Variants in DOCK3 observed in about 807,000 individuals in gnomAD.
DOCK3 encodes the protein dedicator of cytokinesis 3, also known as dedicator of cytokinesis protein 3.
In DOCK3, 60 loss-of-function variants were observed where a neutral mutation model predicts 265.6. That is an observed-to-expected ratio of 0.23 (90% CI 0.18 to 0.28). The LOEUF is 0.28. DOCK3 is among the 10% of genes least tolerant of loss of function. The pLI is 1.00. For missense variants in DOCK3, 1,981 were observed against 2,594.3 expected (o/e 0.76, Z 5.14); for synonymous variants, 881 against 938.0 (o/e 0.94, Z 1.11).
chr3:50,996,001 A>G (rs1374884124), intron 5 of DOCK3, among the ~76,000 whole-genome samples: 5 of 151,584 alleles, frequency 3.3e-5, no homozygotes, highest in East Asian at 2.0e-4. Context: ...AGTTCAAACA[A>G]TTCTCCTGCC....
At chr3:50,757,856 T>A (rs1436654459) in intron 1 of DOCK3, among the ~76,000 whole-genome samples, 2 of 152,168 alleles carry the variant, frequency 1.3e-5, no homozygotes, top group African/African-American at 4.8e-5. Context: ...TTTCTCCTGT[T>A]GAATTGTCTT....
chr3:50,859,756 G>T (rs1489048135), intron 3 of DOCK3, among the ~76,000 whole-genome samples: 1 of 152,140 alleles, frequency 6.6e-6, no homozygotes, highest in African/African-American at 2.4e-5. Flanking sequence ...GAAGTTTTGG[G>T]ATATAATCCA....
intron 14 of DOCK3, among the ~76,000 whole-genome samples, chr3:51,219,020 TC>T (rs1347846842): frequency 1.3e-5 from 2 of 152,170 alleles, no homozygotes; most frequent in Non-Finnish European, 2.9e-5. Flanking sequence ...TTCCCTTTAC[TC>T]AATTACTGCT....
At chr3:51,349,156 A>C (rs960863243) in intron 39 of DOCK3, among the ~76,000 whole-genome samples, 2 of 152,202 alleles carry the variant, frequency 1.3e-5, no homozygotes, top group East Asian at 1.9e-4. Context: ...ACTGGTGCTC[A>C]GAGAAGGGAG....
intron 5 of DOCK3, among the ~76,000 whole-genome samples, chr3:50,941,166 T>C (rs1187786439): frequency 6.6e-6 from 1 of 152,096 alleles, no homozygotes; most frequent in East Asian, 1.9e-4. Flanking sequence ...ATTTGAAAAT[T>C]ATATATCCAT....
intron 5 of DOCK3, among the ~76,000 whole-genome samples, chr3:51,003,524 A>G (rs1364157052): frequency 6.6e-6 from 1 of 152,276 alleles, no homozygotes; most frequent in Non-Finnish European, 1.5e-5. Context: ...TTATGTATGC[A>G]TGATGGATAT....
At chr3:50,716,931 C>T (rs2037155719) in intron 1 of DOCK3, among the ~76,000 whole-genome samples, 1 of 152,136 alleles carries the variant, frequency 6.6e-6, no homozygotes, top group East Asian at 1.9e-4. Context: ...TTTCTCTGTG[C>T]ATTCACAATA....
chr3:51,128,594 A>G (rs1052844528), intron 9 of DOCK3, among the ~76,000 whole-genome samples: 2 of 152,198 alleles, frequency 1.3e-5, no homozygotes, highest in African/African-American at 4.8e-5. Flanking sequence ...TGCTTGCAGG[A>G]TAGGCAAACC....
At chr3:51,233,648 C>T (rs1164985845) in intron 19 of DOCK3, among the ~76,000 whole-genome samples, 1 of 152,164 alleles carries the variant, frequency 6.6e-6, no homozygotes, top group Non-Finnish European at 1.5e-5. Context: ...GGATTTCAGG[C>T]CTGAGCCACC....
chr3:51,326,042 C>G (rs1386910083), intron 32 of DOCK3, among the ~76,000 whole-genome samples: 1 of 134,870 alleles, frequency 7.4e-6, no homozygotes, highest in Non-Finnish European at 1.6e-5. Flanking sequence ...GCACATGTAC[C>G]CCAGAACCTA....
At chr3:51,115,167 G>A (rs1440514206) in intron 9 of DOCK3, among the ~76,000 whole-genome samples, 2 of 152,128 alleles carry the variant, frequency 1.3e-5, no homozygotes, top group African/African-American at 4.8e-5. Context: ...CCCAGTAATG[G>A]GATTGCTGGG....
intron 9 of DOCK3, among the ~76,000 whole-genome samples, chr3:51,128,006 C>G (rs2084343544): frequency 6.6e-6 from 1 of 152,146 alleles, no homozygotes; most frequent in Non-Finnish European, 1.5e-5. Context: ...GTCACCTCAA[C>G]CAACACTGTA....
rs372010434 is a variant in DOCK3, at chr3:51,310,339, G to T, written c.3017+13G>T. 12 of 1,574,422 alleles carry T rather than the reference G, an allele frequency of 7.6e-6. No individual in the cohort carries two copies. The East Asian group carries it at 2.7e-4, about 36-fold the overall frequency. On this transcript the variant is annotated intron_variant, in intron 28 of 52. Transcript: ENST00000266037. Reference sequence around the variant, plus strand: ...TGCTCACAAGCAAGTAAGTATGGAAGGGCTCTGTATCAGCATCACTGAGCT... The same window carrying T: ...TGCTCACAAGCAAGTAAGTATGGAATGGCTCTGTATCAGCATCACTGAGCT...
intron 32 of DOCK3, 147 bp downstream of exon 32, chr3:51,315,275 G>A: frequency 9.4e-7 from 1 of 1,060,940 alleles, no homozygotes; most frequent in South Asian, 2.6e-5. Flanking sequence ...TCCCTTACTT[G>A]CTGGCCAAAA....
chr3:51,217,731 G>C (rs774874239), intron 14 of DOCK3, among the ~76,000 whole-genome samples: 20 of 152,010 alleles, frequency 1.3e-4, no homozygotes, highest in Non-Finnish European at 2.4e-4. Context: ...TGTTAACATT[G>C]TTTTCTGTAA....
At chr3:51,256,110 GTC>G (rs2079530703) in intron 22 of DOCK3, among the ~76,000 whole-genome samples, 1 of 152,156 alleles carries the variant, frequency 6.6e-6, no homozygotes, top group South Asian at 2.1e-4. Flanking sequence ...TCAGCTGCAG[GTC>G]TGTTGGAGTT....
intron 32 of DOCK3, among the ~76,000 whole-genome samples, chr3:51,322,691 C>A (rs1441885403): frequency 6.6e-6 from 1 of 152,028 alleles, no homozygotes; most frequent in Non-Finnish European, 1.5e-5. Flanking sequence ...CCAGCCACTG[C>A]AAAAATATAC....
At chr3:51,094,097 C>T (rs1349271358) in intron 9 of DOCK3, among the ~76,000 whole-genome samples, 1 of 152,068 alleles carries the variant, frequency 6.6e-6, no homozygotes, top group African/African-American at 2.4e-5. Context: ...ATTTTTGCAT[C>T]GATGTTCATC....
intron 12 of DOCK3, among the ~76,000 whole-genome samples, chr3:51,179,981 G>A (rs2087187567): frequency 6.6e-6 from 1 of 152,034 alleles, no homozygotes; most frequent in Non-Finnish European, 1.5e-5. Context: ...GCCGAGGTGG[G>A]TGGATCATTT....
Sources: allele counts gnomAD v4.1 joint callset (sites outside exome capture counted in the v4.1 genomes callset), GRCh38; gene constraint gnomAD v4.1.1; transcripts MANE v1.5; gene names NCBI Gene and HGNC (gene_info 2026-07-23, HGNC 2026-07-21).